The following PCNX2 variants were observed in gnomAD, a reference collection of about 807,000 sequenced individuals.
PCNX2 encodes the protein pecanex 2.
In PCNX2, 168 loss-of-function variants were observed where a neutral mutation model predicts 223.8. The observed-to-expected ratio is 0.75, with a 90% CI of 0.66 to 0.85. The LOEUF is 0.85. Ranked by LOEUF, PCNX2 falls within the 40% of genes least tolerant of loss-of-function variation. The probability of loss-of-function intolerance (pLI) is 0.00; values close to 1 mark genes in which losing one functional copy is unlikely to be tolerated. For missense variants in PCNX2, 2,507 were observed against 2,675.5 expected (o/e 0.94, Z 1.39); for synonymous variants, 1,006 against 1,052.6 (o/e 0.96, Z 0.86).
chr1:233,164,807 T>C (rs1021078776), intron 17 of PCNX2, among the ~76,000 whole-genome samples: 1 of 152,064 alleles, frequency 6.6e-6, no homozygotes, highest in Non-Finnish European at 1.5e-5. Context: ...TGAGTTCACT[T>C]ATTTGTAGAA....
At chr1:233,200,746 G>C (rs1394107410) in intron 13 of PCNX2, among the ~76,000 whole-genome samples, 2 of 151,982 alleles carry the variant, frequency 1.3e-5, no homozygotes, top group Non-Finnish European at 2.9e-5. Flanking sequence ...GACAGGACAG[G>C]CACGGTGGCT....
intron 32 of PCNX2, among the ~76,000 whole-genome samples, chr1:232,993,033 A>G (rs1431191782): frequency 6.6e-6 from 1 of 152,210 alleles, no homozygotes; most frequent in Non-Finnish European, 1.5e-5. Flanking sequence ...ATGGACTAAT[A>G]TGGAGAATTG....
intron 10 of PCNX2, among the ~76,000 whole-genome samples, chr1:233,224,735 G>A (rs1021398288): frequency 1.2e-4 from 18 of 151,928 alleles, no homozygotes; most frequent in African/African-American, 4.4e-4. Flanking sequence ...TATTTTAATT[G>A]ACTCTAAATT....
chr1:233,320,764 T>C, the PCNX2 span, among the ~76,000 whole-genome samples: 1 of 152,212 alleles, frequency 6.6e-6, no homozygotes. Context: ...CTGAGCTATT[T>C]AGATTTTCCA....
At chr1:233,156,330 A>G (rs1435864112) in intron 19 of PCNX2, among the ~76,000 whole-genome samples, 6 of 152,358 alleles carry the variant, frequency 3.9e-5, no homozygotes, top group African/African-American at 1.4e-4. Flanking sequence ...AGTATGCAGA[A>G]AGGAAAGTAA....
rs190573393 is a variant in PCNX2 at position 233,287,944 on chromosome 1, C to T, written c.153+7382G>A. 1.9e-3 allele frequency among the ~76,000 whole-genome samples: 283 copies of T among 152,280 alleles called. 1 individual carries two copies. Among genetic ancestry groups the T allele is most frequent in the Non-Finnish European group, 2.0e-3 (137 of 68,034 alleles). On this transcript the variant is annotated intron_variant, in intron 1 of 33. Transcript: ENST00000258229. ...AAAAAAAGTGTCTGCCTCATATGTGCTCAGAAGCGTTGGCTGTGATTCTTA... is the reference window on the plus strand; with the variant it reads ...AAAAAAAGTGTCTGCCTCATATGTGTTCAGAAGCGTTGGCTGTGATTCTTA...
chr1:233,248,643 C>T (rs557159475), intron 8 of PCNX2, among the ~76,000 whole-genome samples: 58 of 152,260 alleles, frequency 3.8e-4, no homozygotes, highest in Non-Finnish European at 7.2e-4. Flanking sequence ...TGTTCAGTTA[C>T]ATCACCGCAA....
intron 28 of PCNX2, among the ~76,000 whole-genome samples, chr1:233,003,551 G>A (rs1431813207): frequency 3.9e-5 from 6 of 152,222 alleles, no homozygotes; most frequent in Non-Finnish European, 8.8e-5. Flanking sequence ...TACACTGTTA[G>A]TGGGAGTGTA....
intron 3 of PCNX2, 99 bp downstream of exon 3, chr1:233,261,946 C>T (rs143511545): frequency 6.5e-7 from 1 of 1,534,788 alleles, no homozygotes; most frequent in Non-Finnish European, 9.0e-7. Context: ...GTGATTACAG[C>T]ATGCAAGCTA....
rs752606719 is a variant in PCNX2 at position 233,019,884 on chromosome 1, C to A, written c.4606-2730G>T. On this transcript the variant is annotated intron_variant, in intron 26 of 33. Transcript: ENST00000258229. ...TAAGTCGTCGGCCCAAAGTTGCAAG[C>A]AAAAGAGTAACGATGCCCATGTCCA... 2.0e-5 allele frequency among the ~76,000 whole-genome samples: 3 copies of A among 152,184 alleles called. No individual in the cohort carries two copies. In the South Asian group the frequency reaches 6.2e-4, roughly 32 times the overall value.
At chr1:233,229,230 G>A (rs535498599) in intron 9 of PCNX2, among the ~76,000 whole-genome samples, 4 of 152,306 alleles carry the variant, frequency 2.6e-5, no homozygotes, top group African/African-American at 9.6e-5. Context: ...GGAAAATGGA[G>A]TTATTCCGGA....
chr1:233,197,691 C>T (rs1424858572), intron 15 of PCNX2, among the ~76,000 whole-genome samples: 1 of 152,072 alleles, frequency 6.6e-6, no homozygotes, highest in African/African-American at 2.4e-5. Context: ...TCAATAATTA[C>T]TCCATGGATT....
chr1:233,268,683 A>C (rs766085091), intron 1 of PCNX2, among the ~76,000 whole-genome samples: 1 of 152,174 alleles, frequency 6.6e-6, no homozygotes, highest in Non-Finnish European at 1.5e-5. Context: ...GAAAGTAATA[A>C]AAGTGTGGCC....
intron 23 of PCNX2, among the ~76,000 whole-genome samples, chr1:233,082,574 G>C (rs1319263267): frequency 2.0e-5 from 3 of 152,090 alleles, no homozygotes; most frequent in African/African-American, 7.2e-5. Flanking sequence ...TCCCTCCCTG[G>C]CATAACTTTA....
At chr1:233,157,363 G>C (rs963825659) in intron 19 of PCNX2, among the ~76,000 whole-genome samples, 1 of 152,128 alleles carries the variant, frequency 6.6e-6, no homozygotes, top group African/African-American at 2.4e-5. Context: ...TAAAATGGTG[G>C]GATAGGATTA....
intron 1 of PCNX2, among the ~76,000 whole-genome samples, chr1:233,279,985 T>C (rs1401691789): frequency 1.3e-5 from 2 of 152,236 alleles, no homozygotes; most frequent in Non-Finnish European, 2.9e-5. Context: ...TGAATGTGTC[T>C]TTTTGAAACA....
At chr1:233,087,932 A>G (rs1673686646) in intron 23 of PCNX2, among the ~76,000 whole-genome samples, 2 of 152,210 alleles carry the variant, frequency 1.3e-5, no homozygotes, top group African/African-American at 4.8e-5. Context: ...CAGGGAACCT[A>G]GTGCTAATAT....
At chr1:233,286,361 G>A (rs1365655095) in intron 1 of PCNX2, among the ~76,000 whole-genome samples, 2 of 152,050 alleles carry the variant, frequency 1.3e-5, no homozygotes, top group Non-Finnish European at 2.9e-5. Flanking sequence ...CATTTGGGTT[G>A]GGGTAGAAGG....
At chr1:233,043,781 T>C (rs1202273198) in intron 25 of PCNX2, among the ~76,000 whole-genome samples, 15 of 143,368 alleles carry the variant, frequency 1.0e-4, no homozygotes, top group Middle Eastern at 3.4e-3. Context: ...TGTATATGTG[T>C]CACATTTTCT....
Sources: allele counts gnomAD v4.1 joint callset (sites outside exome capture counted in the v4.1 genomes callset), GRCh38; gene constraint gnomAD v4.1.1; transcripts MANE v1.5; gene names NCBI Gene and HGNC (gene_info 2026-07-23, HGNC 2026-07-21).